Variants in CEP152 observed in about 807,000 individuals in gnomAD.
CEP152 encodes centrosomal protein 152.
CEP152 carries 132 observed loss-of-function variants against 188.9 expected under a neutral mutation model. The ratio of observed to expected loss-of-function variants is 0.70; its 90% confidence interval spans 0.61 to 0.81. CEP152 has a LOEUF of 0.81. CEP152 is among the 30% of genes least tolerant of loss of function. The pLI is 0.00. For missense variants in CEP152, 1,914 were observed against 1,969.8 expected, an observed-to-expected ratio of 0.97 and a Z score of 0.54; for synonymous variants, 649 against 666.6, an observed-to-expected ratio of 0.97 and a Z score of 0.41.
intron 17 of CEP152, among the ~76,000 whole-genome samples, chr15:48,762,986 A>AT (rs1010660319): frequency 8.1e-5 from 11 of 136,534 alleles, no homozygotes; most frequent in African/African-American, 3.7e-4. Flanking sequence ...AGATGGCAGG[A>AT]TTTAAAAAAA....
At chr15:48,785,449 C>T (rs1170294943) in intron 9 of CEP152, among the ~76,000 whole-genome samples, 3 of 151,982 alleles carry the variant, frequency 2.0e-5, no homozygotes, top group African/African-American at 7.2e-5. Context: ...GCCAAAGTAA[C>T]GTGGCAAAAA....
intron 24 of CEP152, among the ~76,000 whole-genome samples, chr15:48,743,585 G>A (rs894293895): frequency 2.0e-5 from 3 of 152,088 alleles, no homozygotes; most frequent in African/African-American, 4.8e-5. Flanking sequence ...GTAGGAGGCC[G>A]GGCACAGTGG....
intron 18 of CEP152, among the ~76,000 whole-genome samples, chr15:48,760,986 A>C (rs2140706090): frequency 6.6e-6 from 1 of 152,314 alleles, no homozygotes; most frequent in Non-Finnish European, 1.5e-5. Context: ...GTCAATGTGT[A>C]AACTCTGTCT....
rs1893637969 is a variant in CEP152 at position 48,748,575 on chromosome 15, A to G, written c.3502T>C (p.Cys1168Arg). ...TCAAGTTCTTGGAAGCAGTGTCCAC[A>G]GCATAAATCCTTAATTTCAAGGACC... ...KKVLEIKDLCCGHCFQELEKA... is the reference protein window; with the variant it reads ...KKVLEIKDLCRGHCFQELEKA... Residue 1168 changes from cysteine to arginine, a missense_variant, in exon 22 of 27, where the codon TGT (cysteine) becomes CGT (arginine). Cys to Arg is a radical substitution (Grantham distance 180). Coordinates refer to ENST00000380950, the MANE Select transcript of CEP152 (RefSeq NM_001194998.2). 6.6e-7 allele frequency: 1 copy of G among 1,518,522 alleles called. No individual in the cohort carries two copies. Among genetic ancestry groups the G allele is most frequent in the Non-Finnish European group, 8.8e-7 (1 of 1,140,496 alleles). 94.1% of individuals were successfully genotyped at this position (1,518,522 alleles called of 1,614,324 possible).
intron 8 of CEP152, chr15:48,789,226 T>C: frequency 1.7e-6 from 1 of 575,256 alleles, no homozygotes; most frequent in Middle Eastern, 4.7e-4. Context: ...AGAAAATACA[T>C]TTGGTAGATA....
chr15:48,774,240 T>G (rs569731190), intron 12 of CEP152, among the ~76,000 whole-genome samples: 1 of 152,080 alleles, frequency 6.6e-6, no homozygotes, highest in Admixed American at 6.5e-5. Flanking sequence ...ACACAGAACA[T>G]ATTACATTTT....
intron 2 of CEP152, among the ~76,000 whole-genome samples, chr15:48,732,588 A>G (rs960179277): frequency 6.6e-6 from 1 of 151,870 alleles, no homozygotes; most frequent in Non-Finnish European, 1.5e-5. Context: ...GGATGGGTCA[A>G]TAGGTGCAGC....
rs367956220 is a variant in CEP152, at chr15:48,752,454, G to A, written c.3361C>T (p.Leu1121Phe). The A allele has an allele frequency of 3.7e-6, 6 of 1,613,584 alleles. No individual in the cohort carries two copies. Among genetic ancestry groups the A allele is most frequent in the Non-Finnish European group, 4.2e-6 (5 of 1,180,002 alleles). The change falls in exon 21 of 27, where the codon CTC (leucine) becomes TTC (phenylalanine). Residue 1121 changes from leucine (L) to phenylalanine (F), a missense_variant. Physicochemically the swap from Leu to Phe is conservative, Grantham distance 22. Coordinates refer to ENST00000380950, the MANE Select transcript of CEP152 (RefSeq NM_001194998.2). ...CCCTGGCTGGCAGAATCCTTAGAGA[G>A]CTCGGCCATATTTCTCTGAAATAAA... Reference protein sequence around the residue: ...PEWKKRNMAELSKDSASQGTG... With the variant: ...PEWKKRNMAEFSKDSASQGTG...
intron 21 of CEP152, among the ~76,000 whole-genome samples, chr15:48,750,964 G>T (rs1424615085): frequency 6.6e-6 from 1 of 152,048 alleles, no homozygotes; most frequent in Non-Finnish European, 1.5e-5. Context: ...CTGGTTGCTA[G>T]GCTTCATAAC....
chr15:48,790,590 A>G (rs1035998656), intron 8 of CEP152, among the ~76,000 whole-genome samples: 2 of 151,996 alleles, frequency 1.3e-5, no homozygotes, highest in African/African-American at 4.8e-5. Context: ...TTCTTCAGAC[A>G]AGTCTCGCTC....
Position 48,772,594 on chromosome 15 carries a change from T to C in CEP152, c.1675A>G (p.Met559Val), listed in dbSNP as rs374218350. The change falls in exon 13 of 27, where the codon ATG (methionine) becomes GTG (valine). Residue 559 changes from methionine to valine, a missense_variant. Coordinates refer to ENST00000380950, the MANE Select transcript of CEP152 (RefSeq NM_001194998.2). ...AACTGAGACACCAGATGACGCTTCATTGAGTTGCTACCCAGCAAACGCTGT... is the reference window on the plus strand; with the variant it reads ...AACTGAGACACCAGATGACGCTTCACTGAGTTGCTACCCAGCAAACGCTGT... ...EVQRLLGSNS[M>V]KRHLVSQLQN... 2.5e-6 allele frequency: 4 copies of C among 1,614,120 alleles called. No homozygotes were observed. The highest frequency in any genetic ancestry group is 2.2e-5 in the East Asian group (1 of 44,872).
intron 9 of CEP152, among the ~76,000 whole-genome samples, chr15:48,788,279 A>T (rs1299190128): frequency 2.0e-5 from 3 of 152,030 alleles, no homozygotes; most frequent in Admixed American, 6.5e-5. Context: ...AGGGTTTCCA[A>T]AAGTATACCT....
At chr15:48,777,466 T>TTGTGTGTGTGTGTG (rs35650877) in intron 12 of CEP152, among the ~76,000 whole-genome samples, 222 of 147,452 alleles carry the variant, frequency 1.5e-3, no homozygotes, top group East Asian at 7.9e-3. Flanking sequence ...TCTTAGAATA[T>TTGTGTGTGTGTGTG]TGTGTGTGTG....
intron 24 of CEP152, 88 bp from the exon 25 acceptor site, chr15:48,742,188 T>C: frequency 1.7e-6 from 2 of 1,181,486 alleles, no homozygotes; most frequent in Non-Finnish European, 2.5e-6. Flanking sequence ...ATCAATTTTC[T>C]GGTAGATGAA....
intron 24 of CEP152, 103 bp from the exon 25 acceptor site, chr15:48,742,203 T>C: frequency 9.8e-7 from 1 of 1,023,700 alleles, no homozygotes; most frequent in South Asian, 1.3e-5. Flanking sequence ...GATGAAGTGA[T>C]TTTAAGTATA....
chr15:48,777,307 C>T (rs1397601462), intron 12 of CEP152, among the ~76,000 whole-genome samples: 2 of 151,708 alleles, frequency 1.3e-5, no homozygotes, highest in South Asian at 2.1e-4. Context: ...TGCAGCATAT[C>T]GTATATAGGA....
At chr15:48,757,073 T>C (rs1427316167) in intron 19 of CEP152, among the ~76,000 whole-genome samples, 1 of 152,218 alleles carries the variant, frequency 6.6e-6, no homozygotes, top group Admixed American at 6.5e-5. Flanking sequence ...ATTAGTCTAA[T>C]TTGTTTGTAT....
intron 24 of CEP152, among the ~76,000 whole-genome samples, chr15:48,743,303 G>T (rs1893145215): frequency 6.6e-6 from 1 of 152,094 alleles, no homozygotes; most frequent in Admixed American, 6.5e-5. Flanking sequence ...TTGTTAAAAA[G>T]AAATGTAATT....
Position 48,756,549 on chromosome 15 carries a change from G to T in CEP152, c.2699C>A (p.Ser900Ter). ...QHEVSVNKRI[S>*]FAVSEAKEKW... Reference sequence around the variant, plus strand: ...CTCTTTAGCTTCAGAAACAGCAAATGATATCTAAAGAACATAACAACATGC... The same window carrying T: ...CTCTTTAGCTTCAGAAACAGCAAATTATATCTAAAGAACATAACAACATGC... Residue 900 changes from serine (S) to a stop codon, truncating the protein, a stop_gained, in exon 20 of 27, where the codon TCA becomes TAA. Coordinates refer to ENST00000380950, the MANE Select transcript of CEP152 (RefSeq NM_001194998.2). LOFTEE classifies it high-confidence loss of function. 2 of 1,604,064 alleles carry T rather than the reference G, an allele frequency of 1.2e-6. No individual in the cohort carries two copies. The highest frequency in any genetic ancestry group is 1.1e-5 in the South Asian group (1 of 91,022).
Sources: allele counts gnomAD v4.1 joint callset (sites outside exome capture counted in the v4.1 genomes callset), GRCh38; gene constraint gnomAD v4.1.1; transcripts MANE v1.5; gene names NCBI Gene and HGNC (gene_info 2026-07-23, HGNC 2026-07-21).